The following TTC7B variants were observed in gnomAD, a reference collection of about 807,000 sequenced individuals.
The protein encoded by TTC7B is tetratricopeptide repeat protein 7B.
A neutral mutation model predicts 106.8 loss-of-function variants in TTC7B; 28 were observed. The observed-to-expected ratio is 0.26, with a 90% CI of 0.19 to 0.36. The LOEUF (loss-of-function observed/expected upper bound fraction) is 0.36. TTC7B is among the 10% of genes least tolerant of loss of function. The probability of loss-of-function intolerance (pLI) is 1.00; values close to 1 mark genes in which losing one functional copy is unlikely to be tolerated. For missense variants in TTC7B, 862 were observed against 1,076.4 expected, an observed-to-expected ratio of 0.80 and a Z score of 2.79; for synonymous variants, 405 against 430.6, an observed-to-expected ratio of 0.94 and a Z score of 0.74.
chr14:90,769,037 CAG>C (rs1340434516), intron 3 of TTC7B, among the ~76,000 whole-genome samples: 1 of 151,990 alleles, frequency 6.6e-6, no homozygotes, highest in Non-Finnish European at 1.5e-5. Flanking sequence ...ACATCGGTAA[CAG>C]AAAGGGGTGG....
At chr14:90,617,502 CTCT>C (rs1344881388) in intron 16 of TTC7B, among the ~76,000 whole-genome samples, 1 of 152,198 alleles carries the variant, frequency 6.6e-6, no homozygotes, top group Non-Finnish European at 1.5e-5. Context: ...ATAGCCACTT[CTCT>C]TCTTAGTAGC....
At chr14:90,637,766 T>C (rs1885005658) in intron 15 of TTC7B, among the ~76,000 whole-genome samples, 2 of 152,220 alleles carry the variant, frequency 1.3e-5, no homozygotes, top group African/African-American at 4.8e-5. Flanking sequence ...TATAATCATC[T>C]CAATAGATAT....
intron 9 of TTC7B, among the ~76,000 whole-genome samples, chr14:90,664,449 T>G (rs185543680): frequency 6.6e-6 from 1 of 152,006 alleles, no homozygotes; most frequent in South Asian, 2.1e-4. Context: ...TTTTGTATTT[T>G]TAGTAGAGAT....
intron 5 of TTC7B, among the ~76,000 whole-genome samples, chr14:90,727,922 T>C (rs1338392654): frequency 6.6e-6 from 1 of 152,148 alleles, no homozygotes; most frequent in Admixed American, 6.5e-5. Context: ...GGACAGCAGT[T>C]ACCTCCATTC....
At chr14:90,718,010 C>T (rs1184766625) in intron 5 of TTC7B, among the ~76,000 whole-genome samples, 1 of 152,224 alleles carries the variant, frequency 6.6e-6, no homozygotes, top group Non-Finnish European at 1.5e-5. Flanking sequence ...GATATGAATT[C>T]CTTCTTCCCC....
intron 17 of TTC7B, chr14:90,593,843 T>C: frequency 2.3e-6 from 1 of 426,010 alleles, no homozygotes; most frequent in Non-Finnish European, 4.1e-6. Flanking sequence ...ACAGAGCACA[T>C]GCCCCCTCCA....
intron 4 of TTC7B, among the ~76,000 whole-genome samples, chr14:90,738,538 C>G (rs1159238817): frequency 1.3e-5 from 2 of 151,578 alleles, no homozygotes; most frequent in Non-Finnish European, 2.9e-5. Flanking sequence ...ACCCGGGAGG[C>G]GGAGGTTGCA....
chr14:90,615,612 G>T (rs1232263175), intron 16 of TTC7B, among the ~76,000 whole-genome samples: 1 of 152,250 alleles, frequency 6.6e-6, no homozygotes, highest in Non-Finnish European at 1.5e-5. Context: ...CCCCACTCGG[G>T]AGTGTTGCAA....
chr14:90,675,213 G>A (rs1886782749), intron 9 of TTC7B: 1 of 152,286 alleles, frequency 6.6e-6, no homozygotes, highest in Non-Finnish European at 1.5e-5. Flanking sequence ...TACCCAATAG[G>A]ATGGAAGTAG....
chr14:90,783,389 A>G (rs1891281625), intron 2 of TTC7B, among the ~76,000 whole-genome samples: 1 of 152,362 alleles, frequency 6.6e-6, no homozygotes, highest in Non-Finnish European at 1.5e-5. Context: ...AACATTCTTT[A>G]TAAGATGGAG....
intron 17 of TTC7B, among the ~76,000 whole-genome samples, chr14:90,604,834 T>A (rs567877843): frequency 6.6e-6 from 1 of 152,322 alleles, no homozygotes; most frequent in African/African-American, 2.4e-5. Flanking sequence ...GTTCTGGAAC[T>A]CCCTAAAGCC....
At chr14:90,778,676 C>A (rs1336515003) in intron 3 of TTC7B, among the ~76,000 whole-genome samples, 2 of 152,218 alleles carry the variant, frequency 1.3e-5, no homozygotes, top group Non-Finnish European at 2.9e-5. Flanking sequence ...GTGGCACAGA[C>A]CCCAGCACTC....
chr14:90,531,061 G>C lies in TTC7B; in HGVS notation c.*10307C>G, dbSNP rs1380180935. On this transcript the variant is annotated 3_prime_UTR_variant, in exon 20 of 20. Transcript: ENST00000328459. ...AAATGATATAATTTTAATATTAATA[G>C]CTGAAAATGTAAAGAGTTTTGTATT... 2 of 152,114 alleles carry C rather than the reference G, an allele frequency of 1.3e-5. No homozygotes were observed. The highest frequency in any genetic ancestry group is 4.8e-5 in the African/African-American group (2 of 41,414). 9.4% of individuals were successfully genotyped at this position (152,114 alleles called of 1,614,324 possible).
intron 3 of TTC7B, among the ~76,000 whole-genome samples, chr14:90,746,292 T>C (rs1460257612): frequency 1.3e-5 from 2 of 152,220 alleles, no homozygotes; most frequent in African/African-American, 4.8e-5. Flanking sequence ...TCTTTCTTCT[T>C]GAGTAAGCTT....
At chr14:90,553,015 T>C (rs369911396) in intron 19 of TTC7B, among the ~76,000 whole-genome samples, 49 of 152,322 alleles carry the variant, frequency 3.2e-4, no homozygotes, top group African/African-American at 1.1e-3. Context: ...AGTGATGCTT[T>C]TGTCTGGGGC....
intron 14 of TTC7B, chr14:90,644,773 T>C (rs560020587): frequency 6.6e-6 from 1 of 152,388 alleles, no homozygotes; most frequent in Non-Finnish European, 1.5e-5. Context: ...CCACTAGACA[T>C]CAAGGAAACA....
chr14:90,703,437 T>C (rs1272399523), intron 5 of TTC7B, among the ~76,000 whole-genome samples: 2 of 152,170 alleles, frequency 1.3e-5, no homozygotes, highest in African/African-American at 2.4e-5. Context: ...CCACAAGCAC[T>C]TGAGCTGGAA....
chr14:90,685,674 T>C (rs969002562), intron 7 of TTC7B, among the ~76,000 whole-genome samples: 10 of 152,156 alleles, frequency 6.6e-5, no homozygotes, highest in African/African-American at 2.2e-4. Context: ...CAACCAACCC[T>C]GTAGAAATAC....
intron 19 of TTC7B, among the ~76,000 whole-genome samples, chr14:90,551,740 G>A (rs960054614): frequency 6.6e-6 from 1 of 152,222 alleles, no homozygotes; most frequent in Non-Finnish European, 1.5e-5. Context: ...ACAGAGCTGA[G>A]GGCTGCCCTG....
Sources: gnomAD v4.1 joint callset for allele counts (sites outside exome capture counted in the v4.1 genomes callset) on GRCh38, gnomAD v4.1.1 for gene constraint, MANE v1.5 for transcripts, NCBI Gene and HGNC (gene_info 2026-07-23, HGNC 2026-07-21) for gene names.